LRRC37A2: variants seen among roughly 807,000 people sequenced by gnomAD.
LRRC37A2 encodes leucine-rich repeat-containing protein 37A2.
In LRRC37A2, 9 loss-of-function variants were observed where a neutral mutation model predicts 68.8. The observed-to-expected ratio is 0.13, with a 90% CI of 0.08 to 0.23. The LOEUF is 0.23. Among genes scored for constraint, LRRC37A2 ranks in the 10% least tolerant of loss-of-function variants. The probability of loss-of-function intolerance (pLI) is 1.00; values close to 1 mark genes in which losing one functional copy is unlikely to be tolerated. For synonymous variants in LRRC37A2, 63 were observed against 367.6 expected, an observed-to-expected ratio of 0.17 and a Z score of 9.48; for missense variants, 168 against 950.4, an observed-to-expected ratio of 0.18 and a Z score of 10.82.
At chr17:46,891,893 T>TTTTTC in the LRRC37A2 span, among the ~76,000 whole-genome samples, 833 of 132,354 alleles carry the variant, frequency 6.3e-3, 5 homozygotes, top group Non-Finnish European at 0.01. Context: ...TTTTACTCTT[T>TTTTTC]TTTTCTTTTC....
the LRRC37A2 span, chr17:46,940,463 A>G: frequency 6.1e-4 from 976 of 1,610,662 alleles, 9 homozygotes; most frequent in East Asian, 0.017. Flanking sequence ...TACACACAGC[A>G]CTGCTGCGGT....
chr17:46,876,338 C>T, the LRRC37A2 span: 13 of 1,614,170 alleles, frequency 8.1e-6, no homozygotes, highest in Non-Finnish European at 9.3e-6. Context: ...CTCCCCGTTC[C>T]GTGAGACGGG....
chr17:46,964,429 C>A, the LRRC37A2 span: 2 of 152,312 alleles, frequency 1.3e-5, no homozygotes, highest in African/African-American at 4.8e-5. Context: ...CTAAGAGCAG[C>A]CGGGACCTGC....
At chr17:46,958,325 A>G in the LRRC37A2 span, among the ~76,000 whole-genome samples, 122 of 152,224 alleles carry the variant, frequency 8.0e-4, no homozygotes, top group Non-Finnish European at 6.6e-4. Context: ...TCAAGACAGG[A>G]TCTCCATGGC....
At chr17:46,493,382 C>T in the LRRC37A2 span, among the ~76,000 whole-genome samples, 25 of 122,088 alleles carry the variant, frequency 2.0e-4, no homozygotes, top group South Asian at 2.0e-3. Flanking sequence ...AGACTGATTT[C>T]GAATCCTGGG....
At chr17:46,832,128 G>C in the LRRC37A2 span, among the ~76,000 whole-genome samples, 1 of 152,358 alleles carries the variant, frequency 6.6e-6, no homozygotes, top group African/African-American at 2.4e-5. Context: ...CTGAAAGGTG[G>C]GGGAGGAAGA....
chr17:46,770,256 T>C, the LRRC37A2 span, among the ~76,000 whole-genome samples: 4 of 152,200 alleles, frequency 2.6e-5, no homozygotes, highest in African/African-American at 7.2e-5. Context: ...ATGAGCAAAC[T>C]GAGGCCCTGG....
the LRRC37A2 span, among the ~76,000 whole-genome samples, chr17:46,844,124 T>G: frequency 2.6e-5 from 4 of 151,994 alleles, no homozygotes; most frequent in South Asian, 4.1e-4. Flanking sequence ...TGGCTAATTT[T>G]TTTTTTCTTT....
the LRRC37A2 span, among the ~76,000 whole-genome samples, chr17:47,000,013 TAA>T: frequency 3.0e-3 from 39 of 13,140 alleles, 7 homozygotes; most frequent in East Asian, 0.14. Context: ...TAAAATAAAA[TAA>T]AATAAAATAA....
the LRRC37A2 span, among the ~76,000 whole-genome samples, chr17:46,900,839 AT>A: frequency 0.011 from 1,622 of 152,304 alleles, 24 homozygotes; most frequent in Middle Eastern, 0.037. Context: ...ACTGAACACC[AT>A]CTACAAGCCA....
At chr17:46,827,816 T>TC in the LRRC37A2 span, among the ~76,000 whole-genome samples, 3 of 150,940 alleles carry the variant, frequency 2.0e-5, no homozygotes, top group Admixed American at 2.0e-4. Flanking sequence ...TTTCTTTCTT[T>TC]TTTTTTTTTT....
chr17:46,971,322 G>A, the LRRC37A2 span, among the ~76,000 whole-genome samples: 1 of 152,108 alleles, frequency 6.6e-6, no homozygotes, highest in African/African-American at 2.4e-5. Context: ...GGGCAACAGA[G>A]CGAGACTCCT....
At chr17:46,877,464 C>A in the LRRC37A2 span, among the ~76,000 whole-genome samples, 1 of 152,190 alleles carries the variant, frequency 6.6e-6, no homozygotes, top group African/African-American at 2.4e-5. Context: ...CTCAAAACTA[C>A]CACCAGTGCA....
chr17:46,840,824 C>T, the LRRC37A2 span, among the ~76,000 whole-genome samples: 5 of 152,132 alleles, frequency 3.3e-5, no homozygotes, highest in African/African-American at 9.7e-5. Flanking sequence ...CTGTTCATAT[C>T]CTTTGCCCAT....
chr17:46,710,276 G>A, the LRRC37A2 span, among the ~76,000 whole-genome samples: 1 of 152,274 alleles, frequency 6.6e-6, no homozygotes, highest in Non-Finnish European at 1.5e-5. Context: ...TTTGGCAGCT[G>A]TTTTGATGGG....
the LRRC37A2 span, chr17:46,931,931 G>T: frequency 1.3e-6 from 1 of 774,168 alleles, no homozygotes; most frequent in South Asian, 1.4e-5. Context: ...ATTAGATCTT[G>T]TGGTGAGGGG....
At chr17:46,949,344 A>C in the LRRC37A2 span, 2 of 152,328 alleles carry the variant, frequency 1.3e-5, no homozygotes, top group Non-Finnish European at 1.5e-5. Context: ...ACTGAGTTCC[A>C]AGAGTGAGTA....
At chr17:46,816,477 A>ACG in the LRRC37A2 span, among the ~76,000 whole-genome samples, 259 of 19,988 alleles carry the variant, frequency 0.013, 1 homozygote, top group African/African-American at 0.12. Flanking sequence ...GAACACACGC[A>ACG]CACACACACA....
At chr17:46,724,044 CTTTAT>C in the LRRC37A2 span, among the ~76,000 whole-genome samples, 1 of 152,208 alleles carries the variant, frequency 6.6e-6, no homozygotes, top group African/African-American at 2.4e-5. Flanking sequence ...ACCAACACCA[CTTTAT>C]TTTAATTCTT....
Sources: allele counts gnomAD v4.1 joint callset (sites outside exome capture counted in the v4.1 genomes callset), GRCh38; gene constraint gnomAD v4.1.1; transcripts MANE v1.5; gene names NCBI Gene and HGNC (gene_info 2026-07-23, HGNC 2026-07-21).